Variants in MARCHF8 observed in about 807,000 individuals in gnomAD.
MARCHF8 encodes the protein membrane associated ring-CH-type finger 8.
In MARCHF8, 40 loss-of-function variants were observed where a neutral mutation model predicts 51.6. The ratio of observed to expected loss-of-function variants is 0.77; its 90% confidence interval spans 0.60 to 1.01. MARCHF8 has a LOEUF of 1.01. MARCHF8 is among the 50% of genes least tolerant of loss of function. The pLI, the probability that MARCHF8 is intolerant of heterozygous loss-of-function variation, is 0.00. For synonymous variants in MARCHF8, 263 were observed against 280.3 expected, an observed-to-expected ratio of 0.94 and a Z score of 0.62; for missense variants, 685 against 708.6, an observed-to-expected ratio of 0.97 and a Z score of 0.38.
chr10:45,471,613 A>G (rs2042691412), intron 3 of MARCHF8, among the ~76,000 whole-genome samples: 1 of 152,236 alleles, frequency 6.6e-6, no homozygotes, highest in South Asian at 2.1e-4. Flanking sequence ...CCAAGAGGCA[A>G]TAAAATATTT....
chr10:45,546,398 G>A (rs922814601), intron 1 of MARCHF8, among the ~76,000 whole-genome samples: 161 of 152,156 alleles, frequency 1.1e-3, no homozygotes, highest in African/African-American at 3.7e-3. Flanking sequence ...CCTGACCTCA[G>A]GCAATCCGCC....
At chr10:45,494,958 A>G (rs2043145842) in intron 2 of MARCHF8, among the ~76,000 whole-genome samples, 1 of 152,180 alleles carries the variant, frequency 6.6e-6, no homozygotes, top group African/African-American at 2.4e-5. Flanking sequence ...CATCTCTACT[A>G]GAAATACAAA....
chr10:45,530,696 CCAG>C (rs770410277), intron 2 of MARCHF8, among the ~76,000 whole-genome samples: 1 of 152,056 alleles, frequency 6.6e-6, no homozygotes, highest in Non-Finnish European at 1.5e-5. Context: ...TCATTTGAGC[CCAG>C]GAGTTCGTGG....
chr10:45,495,400 ATC>A (rs928994405), intron 2 of MARCHF8, among the ~76,000 whole-genome samples: 5 of 151,952 alleles, frequency 3.3e-5, no homozygotes, highest in Admixed American at 1.3e-4. Flanking sequence ...AGATTCCTGC[ATC>A]TGTTTATGTA....
chr10:45,481,520 T>C (rs146721805), intron 3 of MARCHF8, among the ~76,000 whole-genome samples: 9,429 of 152,208 alleles, frequency 0.062, 332 homozygotes, highest in Non-Finnish European at 0.067. Flanking sequence ...ATCATAGGGG[T>C]GGTTTCCCCC....
chr10:45,493,601 T>G (rs192874084), intron 2 of MARCHF8, among the ~76,000 whole-genome samples: 1 of 152,288 alleles, frequency 6.6e-6, no homozygotes, highest in Non-Finnish European at 1.5e-5. Context: ...CACCTAATCA[T>G]TTAGGGATCT....
chr10:45,504,359 G>A lies in MARCHF8; in HGVS notation c.103-14942C>T, dbSNP rs185336436. On this transcript the variant is annotated intron_variant, in intron 2 of 7. Coordinates refer to ENST00000453424, the MANE Select transcript of MARCHF8 (RefSeq NM_001282866.2). Reference sequence around the variant, plus strand: ...CTTGGGAGGCTGAGACAGGAGAATCGCTTGAACCTGGGAGGCGGAGGTTGC... The same window carrying A: ...CTTGGGAGGCTGAGACAGGAGAATCACTTGAACCTGGGAGGCGGAGGTTGC... Among the ~76,000 whole-genome samples, 31 of 152,324 alleles carry A rather than the reference G, an allele frequency of 2.0e-4. No individual in the cohort carries two copies. The East Asian group carries it at 4.6e-3, about 23-fold the overall frequency.
At chr10:45,574,235 T>TCACTCACCTGTTAC (rs2044464387) in intron 1 of MARCHF8, among the ~76,000 whole-genome samples, 2 of 152,198 alleles carry the variant, frequency 1.3e-5, no homozygotes, top group Admixed American at 1.3e-4. Flanking sequence ...AAGCCTGTTA[T>TCACTCACCTGTTAC]CACTCACCTG....
intron 2 of MARCHF8, among the ~76,000 whole-genome samples, chr10:45,498,755 C>T (rs1042447862): frequency 6.6e-5 from 10 of 152,212 alleles, no homozygotes; most frequent in African/African-American, 1.9e-4. Flanking sequence ...GAATAACAGG[C>T]GTGAGCCGCT....
intron 2 of MARCHF8, among the ~76,000 whole-genome samples, chr10:45,505,669 T>C (rs1335772447): frequency 6.6e-6 from 1 of 152,266 alleles, no homozygotes; most frequent in Non-Finnish European, 1.5e-5. Flanking sequence ...GCTGTGAAAT[T>C]TGGGACCTCC....
intron 2 of MARCHF8, among the ~76,000 whole-genome samples, chr10:45,497,411 A>G (rs1421560905): frequency 6.6e-6 from 1 of 152,188 alleles, no homozygotes; most frequent in African/African-American, 2.4e-5. Flanking sequence ...AGACTTGAAC[A>G]GCACTAAACC....
chr10:45,549,701 C>T (rs2044172561), intron 1 of MARCHF8, among the ~76,000 whole-genome samples: 1 of 152,216 alleles, frequency 6.6e-6, no homozygotes, highest in Non-Finnish European at 1.5e-5. Context: ...GAGGGCTCTG[C>T]CCTCACTAAT....
intron 3 of MARCHF8, among the ~76,000 whole-genome samples, chr10:45,484,819 T>C (rs2042951351): frequency 6.6e-6 from 1 of 152,070 alleles, no homozygotes; most frequent in Non-Finnish European, 1.5e-5. Flanking sequence ...ATCATCAAGG[T>C]AGACACCATA....
intron 2 of MARCHF8, among the ~76,000 whole-genome samples, chr10:45,501,032 T>C (rs1280225899): frequency 6.6e-6 from 1 of 151,948 alleles, no homozygotes; most frequent in African/African-American, 2.4e-5. Flanking sequence ...GATCTCAACA[T>C]ATAAAAATAC....
rs1448685614 is a variant in MARCHF8, at chr10:45,493,645, G to A, written c.103-4228C>T. ...TGTAGATTGTGGTTTGTTAGGTCTAGGGGGGACTCAGATTTCTGCATTTCC... is the reference window on the plus strand; with the variant it reads ...TGTAGATTGTGGTTTGTTAGGTCTAAGGGGGACTCAGATTTCTGCATTTCC... On this transcript the variant is annotated intron_variant, in intron 2 of 7. Coordinates refer to ENST00000453424, the MANE Select transcript of MARCHF8 (RefSeq NM_001282866.2). Among the ~76,000 whole-genome samples, 4 of 152,156 alleles carry A rather than the reference G, an allele frequency of 2.6e-5. No homozygotes were observed. The East Asian group carries it at 7.7e-4, about 29-fold the overall frequency.
intron 1 of MARCHF8, among the ~76,000 whole-genome samples, chr10:45,570,648 T>A (rs906883556): frequency 6.6e-6 from 1 of 152,182 alleles, no homozygotes; most frequent in Non-Finnish European, 1.5e-5. Context: ...ATACTACGCA[T>A]AAATATTTGA....
intron 2 of MARCHF8, among the ~76,000 whole-genome samples, chr10:45,504,324 A>C (rs966300921): frequency 1.1e-4 from 16 of 152,306 alleles, no homozygotes; most frequent in Non-Finnish European, 2.2e-4. Flanking sequence ...CATGCCTGTA[A>C]TCCAAGCTAC....
At chr10:45,588,869 G>T (rs773572493) in intron 1 of MARCHF8, among the ~76,000 whole-genome samples, 9 of 151,682 alleles carry the variant, frequency 5.9e-5, no homozygotes, top group Non-Finnish European at 1.3e-4. Flanking sequence ...ATGGTGGCAG[G>T]TGCCTGTAGT....
At chr10:45,508,500 C>T (rs528817503) in intron 2 of MARCHF8, among the ~76,000 whole-genome samples, 3 of 152,240 alleles carry the variant, frequency 2.0e-5, no homozygotes, top group Admixed American at 2.0e-4. Flanking sequence ...GCTGTTATCA[C>T]TCTTATGTTT....
Sources: allele counts gnomAD v4.1 joint callset (sites outside exome capture counted in the v4.1 genomes callset), GRCh38; gene constraint gnomAD v4.1.1; transcripts MANE v1.5; gene names NCBI Gene and HGNC (gene_info 2026-07-23, HGNC 2026-07-21).